SLC24A2: variants seen among roughly 807,000 people sequenced by gnomAD.
The protein encoded by SLC24A2 is solute carrier family 24 member 2.
In SLC24A2, 36 loss-of-function variants were observed where a neutral mutation model predicts 62.0. That is an observed-to-expected ratio of 0.58 (90% CI 0.44 to 0.77). The LOEUF (loss-of-function observed/expected upper bound fraction) is 0.77, where lower values mean the gene tolerates loss of function less well. SLC24A2 is among the 30% of genes least tolerant of loss of function. SLC24A2 has a pLI of 0.00. For synonymous variants in SLC24A2, 358 were observed against 294.0 expected, an observed-to-expected ratio of 1.22 and a Z score of -2.23; for missense variants, 846 against 817.9, an observed-to-expected ratio of 1.03 and a Z score of -0.42.
At chr9:19,573,550 A>T in intron 6 of SLC24A2, 81 bp from the exon 7 acceptor site, 1 of 868,690 alleles carries the variant, frequency 1.2e-6, no homozygotes, top group Non-Finnish European at 1.9e-6. Flanking sequence ...AGAGAGAGAG[A>T]GAGAAAGCAA....
At chr9:19,526,608 T>G (rs1833457176) in intron 9 of SLC24A2, among the ~76,000 whole-genome samples, 1 of 152,208 alleles carries the variant, frequency 6.6e-6, no homozygotes. Context: ...ATAATGATGT[T>G]GAGCATATTT....
the SLC24A2 span, among the ~76,000 whole-genome samples, chr9:20,171,963 C>A: frequency 3.3e-5 from 5 of 151,888 alleles, no homozygotes; most frequent in Non-Finnish European, 7.4e-5. Context: ...ATATGATAGG[C>A]CACAGTACAA....
the SLC24A2 span, among the ~76,000 whole-genome samples, chr9:19,919,318 C>T: frequency 2.6e-5 from 4 of 152,104 alleles, no homozygotes; most frequent in East Asian, 1.9e-4. Flanking sequence ...TTAGAATATT[C>T]GACTTTATTA....
the SLC24A2 span, among the ~76,000 whole-genome samples, chr9:19,890,783 C>A: frequency 2.0e-5 from 3 of 152,144 alleles, no homozygotes; most frequent in African/African-American, 7.2e-5. Flanking sequence ...GTAGCTGGGA[C>A]TACAGGCACG....
chr9:19,574,735 T>G (rs151308866), intron 6 of SLC24A2, among the ~76,000 whole-genome samples: 1 of 152,046 alleles, frequency 6.6e-6, no homozygotes, highest in African/African-American at 2.4e-5. Context: ...CAAAGAGGAG[T>G]ACCATCAGGT....
At chr9:19,865,636 T>A in the SLC24A2 span, among the ~76,000 whole-genome samples, 27 of 152,230 alleles carry the variant, frequency 1.8e-4, no homozygotes, top group East Asian at 5.0e-3. Context: ...CTGGGAAAAC[T>A]GGATATCCAT....
chr9:19,865,114 T>C, the SLC24A2 span, among the ~76,000 whole-genome samples: 17 of 152,134 alleles, frequency 1.1e-4, 2 homozygotes, highest in South Asian at 3.3e-3. Flanking sequence ...TACGTAGGAA[T>C]CGACTTAACC....
chr9:19,665,360 G>C (rs956408602), intron 2 of SLC24A2, among the ~76,000 whole-genome samples: 1 of 152,146 alleles, frequency 6.6e-6, no homozygotes, highest in Non-Finnish European at 1.5e-5. Flanking sequence ...CACTTCAGAT[G>C]TGGGGGCGAG....
intron 2 of SLC24A2, among the ~76,000 whole-genome samples, chr9:19,695,159 T>G (rs145765638): frequency 6.6e-6 from 1 of 152,010 alleles, no homozygotes; most frequent in Admixed American, 6.6e-5. Context: ...ATCTAGTGGG[T>G]AGAGGCTAGG....
chr9:20,113,650 C>A, the SLC24A2 span, among the ~76,000 whole-genome samples: 1 of 152,050 alleles, frequency 6.6e-6, no homozygotes, highest in African/African-American at 2.4e-5. Flanking sequence ...GCTTTCAAGT[C>A]ATTTTTTTTC....
At chr9:19,962,394 G>C in the SLC24A2 span, among the ~76,000 whole-genome samples, 1 of 152,132 alleles carries the variant, frequency 6.6e-6, no homozygotes, top group South Asian at 2.1e-4. Flanking sequence ...TTCCAATTCT[G>C]TGAAGAAAGT....
intron 2 of SLC24A2, among the ~76,000 whole-genome samples, chr9:19,723,622 G>A (rs1162208930): frequency 1.1e-4 from 17 of 151,896 alleles, no homozygotes; most frequent in Admixed American, 1.1e-3. Flanking sequence ...AAGAAATATC[G>A]GGGCTATTAC....
chr9:20,275,098 A>G, the SLC24A2 span, among the ~76,000 whole-genome samples: 1 of 152,126 alleles, frequency 6.6e-6, no homozygotes, highest in Non-Finnish European at 1.5e-5. Context: ...CACAGCCAGT[A>G]GGATTCCCCT....
chr9:19,532,408 A>C (rs1207226898), intron 8 of SLC24A2, among the ~76,000 whole-genome samples: 2 of 152,178 alleles, frequency 1.3e-5, no homozygotes, highest in African/African-American at 4.8e-5. Context: ...CATATACTTT[A>C]AATCAGCTCT....
At chr9:20,275,394 T>C in the SLC24A2 span, among the ~76,000 whole-genome samples, 2 of 152,242 alleles carry the variant, frequency 1.3e-5, no homozygotes, top group Non-Finnish European at 2.9e-5. Flanking sequence ...TGGTTCTATT[T>C]TTTTGTGAAA....
the SLC24A2 span, chr9:19,927,318 C>T: frequency 2.0e-5 from 3 of 152,236 alleles, no homozygotes; most frequent in Non-Finnish European, 1.5e-5. Context: ...AGCTCGCCTG[C>T]CTAGGTTTAC....
chr9:19,755,574 C>A (rs991342037), intron 2 of SLC24A2, among the ~76,000 whole-genome samples: 13 of 152,144 alleles, frequency 8.5e-5, no homozygotes, highest in African/African-American at 2.9e-4. Flanking sequence ...CAAGAGTTGG[C>A]CAGGCCTGTC....
chr9:19,568,820 G>C (rs1320733482), intron 7 of SLC24A2, among the ~76,000 whole-genome samples: 1 of 152,162 alleles, frequency 6.6e-6, no homozygotes, highest in Non-Finnish European at 1.5e-5. Context: ...TTATAGAAGG[G>C]TGCATATTAA....
chr9:20,259,135 T>C, the SLC24A2 span, among the ~76,000 whole-genome samples: 1 of 152,104 alleles, frequency 6.6e-6, no homozygotes, highest in Admixed American at 6.5e-5. Context: ...GTGAATTGTT[T>C]CCAAGAATTG....
Sources: allele counts gnomAD v4.1 joint callset (sites outside exome capture counted in the v4.1 genomes callset), GRCh38; gene constraint gnomAD v4.1.1; transcripts MANE v1.5; gene names NCBI Gene and HGNC (gene_info 2026-07-23, HGNC 2026-07-21).